Variants in PKDREJ observed in about 807,000 individuals in gnomAD.
PKDREJ encodes the protein PKD and REJ homolog.
For missense variants in PKDREJ, 2,507 were observed against 2,807.2 expected, an observed-to-expected ratio of 0.89 and a Z score of 2.42; for synonymous variants, 1,031 against 1,095.5, an observed-to-expected ratio of 0.94 and a Z score of 1.16.
chr22:46,259,383 T>G lies in PKDREJ; in HGVS notation c.3940A>C (p.Ile1314Leu). The change falls in exon 1 of 1, where the codon ATC (isoleucine) becomes CTC (leucine). Residue 1314 changes from isoleucine (I) to leucine (L), a missense_variant. Physicochemically the swap from Ile to Leu is conservative, Grantham distance 5. Transcript: ENST00000253255. The surrounding 1 kb of genome is among the most constrained non-coding windows in gnomAD (Gnocchi z 6.8). ...GRSPSWYLSR[I>L]KVENLFSRHI... ...CTGCTAAACAGATTTTCCACTTTGA[T>G]TCTACTTAAATACCAGCTAGGCGAT... The G allele has an allele frequency of 2.5e-6, 4 of 1,614,222 alleles. No individual in the cohort carries two copies. Among genetic ancestry groups the G allele is most frequent in the South Asian group, 2.2e-5 (2 of 91,088 alleles).
At position 46,257,479 on chromosome 22, in the gene PKDREJ, A is replaced by G. The variant is rs1936645611; in HGVS notation, c.5844T>C (p.Ser1948=). 1 of 1,614,032 alleles carries G rather than the reference A, an allele frequency of 6.2e-7. No individual in the cohort carries two copies. Among genetic ancestry groups the G allele is most frequent in the African/African-American group, 1.3e-5 (1 of 74,946 alleles). The part of the protein sequence containing the change: ...SQLGVVNTSI[S]LHSFSLADFD... ...AATCAGCAAGTGAAAAAGAGTGCAGAGATATGCTTGTGTTGACAACTCCTA... is the reference window on the plus strand; with the variant it reads ...AATCAGCAAGTGAAAAAGAGTGCAGGGATATGCTTGTGTTGACAACTCCTA... Residue 1948 remains serine, a synonymous_variant, in exon 1 of 1, where the codon TCT becomes TCC. Transcript: ENST00000253255. The surrounding 1 kb of genome is among the most constrained non-coding windows in gnomAD (Gnocchi z 4.7).
chr22:46,261,447 G>A lies in PKDREJ; in HGVS notation c.1876C>T (p.Gln626Ter). 1 of 1,614,148 alleles carries A rather than the reference G, an allele frequency of 6.2e-7. No homozygotes were observed. The highest frequency in any genetic ancestry group is 8.5e-7 in the Non-Finnish European group (1 of 1,179,998). ...AGAAAGGAAGGGGGTACTGTGGACT[G>A]AGGCCCCAAGTACAGGATGGTCCCC... is the stretch of plus-strand genomic sequence containing the variant. Reference protein sequence around the residue: ...TLGTILYLGPQSTVPPSFLPV... With the variant: ...TLGTILYLGP The change falls in exon 1 of 1, where the codon CAG (glutamine) becomes TAG (stop). Residue 626 changes from glutamine (Q) to a stop codon, truncating the protein, a stop_gained. Coordinates refer to ENST00000253255, the MANE Select transcript of PKDREJ (RefSeq NM_006071.2). LOFTEE classifies it low-confidence loss of function (END_TRUNC). This position sits in a 1 kb window ranked among gnomAD's most constrained non-coding sequence, Gnocchi z 7.1.
rs140873581 is a variant in PKDREJ, at chr22:46,259,873, C to T, written c.3450G>A (p.Thr1150=). The change falls in exon 1 of 1, where the codon ACG becomes ACA. Residue 1150 remains threonine (T), a synonymous_variant. Coordinates refer to ENST00000253255, the MANE Select transcript of PKDREJ (RefSeq NM_006071.2). The surrounding 1 kb of genome is among the most constrained non-coding windows in gnomAD (Gnocchi z 6.8). ...ARRQLGTIGL[T]GIHLHTHYVM... ...CATAGTGGGTATGCAGGTGAATGCC[C>T]GTGAGTCCGATTGTGCCCAGCTGCC... 11 of 1,613,400 alleles carry T rather than the reference C, an allele frequency of 6.8e-6. No individual in the cohort carries two copies. The highest frequency in any genetic ancestry group is 3.3e-5 in the Admixed American group (2 of 60,024).
rs1399878028 is a variant in PKDREJ at position 46,263,082 on chromosome 22, G to T, written c.241C>A (p.His81Asn). 1 of 1,320,796 alleles carries T rather than the reference G, an allele frequency of 7.6e-7. No homozygotes were observed. Among genetic ancestry groups the T allele is most frequent in the Non-Finnish European group, 9.8e-7 (1 of 1,024,684 alleles). The allele number at this position is 1,320,796 out of a possible 1,614,324, so 81.8% of individuals were successfully genotyped here. A position where few individuals can be genotyped will look rare whatever the true frequency, so the allele number is the denominator to read the frequency against. ...LSGRGSLCFPHGGTGRRWYCL... is the reference protein window; with the variant it reads ...LSGRGSLCFPNGGTGRRWYCL... Reference sequence around the variant, plus strand: ...TACCAGCGCCGCCCGGTCCCGCCATGGGGGAAGCAGAGGCTGCCGCGGCCG... The same window carrying T: ...TACCAGCGCCGCCCGGTCCCGCCATTGGGGAAGCAGAGGCTGCCGCGGCCG... Residue 81 changes from histidine (H) to asparagine (N), a missense_variant, in exon 1 of 1, where the codon CAT (histidine) becomes AAT (asparagine). Coordinates refer to ENST00000253255, the MANE Select transcript of PKDREJ (RefSeq NM_006071.2). The surrounding 1 kb of genome is among the most constrained non-coding windows in gnomAD (Gnocchi z 9.4).
In PKDREJ at chr22:46,262,915, G is replaced by T; in HGVS notation, c.408C>A (p.Pro136=). ...LTWSVRLPRS[P]GRLAWAFRLR... ...GGCGGAAGGCCCAGGCCAGGCGCCC[G>T]GGCGAGCGCGGCAGCCGCACGGACC... Residue 136 remains proline (P), a synonymous_variant, in exon 1 of 1, where the codon CCC becomes CCA. Transcript: ENST00000253255. The surrounding 1 kb of genome is among the most constrained non-coding windows in gnomAD (Gnocchi z 8.1). The T allele has an allele frequency of 9.3e-7, 1 of 1,069,676 alleles. No individual in the cohort carries two copies. Among genetic ancestry groups the T allele is most frequent in the Non-Finnish European group, 1.1e-6 (1 of 886,012 alleles). 66.3% of individuals were successfully genotyped at this position (1,069,676 alleles called of 1,614,324 possible). A position where few individuals can be genotyped will look rare whatever the true frequency, so the allele number is the denominator to read the frequency against.
In PKDREJ at chr22:46,258,312, G is replaced by C. The variant is rs1416945797; in HGVS notation, c.5011C>G (p.Gln1671Glu). ...DGMRMHPEEM[Q>E]RIHDQIVRIR... The stretch of plus-strand genomic sequence containing the variant: ...CGGACGATCTGGTCATGTATCCTCT[G>C]CATTTCTTCTGGATGCATACGCATT... Residue 1671 changes from glutamine to glutamate, a missense_variant, in exon 1 of 1, where the codon CAG becomes GAG. Transcript: ENST00000253255. The surrounding 1 kb of genome is among the most constrained non-coding windows in gnomAD (Gnocchi z 6.1). 6.2e-7 allele frequency: 1 copy of C among 1,614,124 alleles called. No homozygotes were observed. The highest frequency in any genetic ancestry group is 8.5e-7 in the Non-Finnish European group (1 of 1,180,028).
In PKDREJ at chr22:46,261,026, G is replaced by A; in HGVS notation, c.2297C>T (p.Pro766Leu). The A allele has an allele frequency of 6.2e-7, 1 of 1,614,142 alleles. No homozygotes were observed. Among genetic ancestry groups the A allele is most frequent in the Non-Finnish European group, 8.5e-7 (1 of 1,180,002 alleles). Residue 766 changes from proline to leucine, a missense_variant, in exon 1 of 1, where the codon CCC becomes CTC. By Grantham distance (98) the Pro-to-Leu change is moderately conservative (BLOSUM62 -3). Transcript: ENST00000253255. This position sits in a 1 kb window ranked among gnomAD's most constrained non-coding sequence, Gnocchi z 7.1. ...CTGAGCATCCCAAGTGAATTCAGAGGGTTTCTGGGTTAATTTGGTAATAGT... is the reference window on the plus strand; with the variant it reads ...CTGAGCATCCCAAGTGAATTCAGAGAGTTTCTGGGTTAATTTGGTAATAGT... ...VMTITKLTQKPSEFTWDAQKR... is the reference protein window; with the variant it reads ...VMTITKLTQKLSEFTWDAQKR...
In PKDREJ at chr22:46,259,879, T is replaced by C. The variant is rs1203518710; in HGVS notation, c.3444A>G (p.Gly1148=). The C allele has an allele frequency of 1.2e-6, 2 of 1,613,296 alleles. No individual in the cohort carries two copies. Among genetic ancestry groups the C allele is most frequent in the Admixed American group, 1.7e-5 (1 of 59,986 alleles). The part of the protein sequence containing the change: ...VRARRQLGTI[G]LTGIHLHTHY... ...GGGTATGCAGGTGAATGCCCGTGAG[T>C]CCGATTGTGCCCAGCTGCCGCCTAG... is the stretch of plus-strand genomic sequence containing the variant. Residue 1148 remains glycine (G), a synonymous_variant, in exon 1 of 1, where the codon GGA becomes GGG. Coordinates refer to ENST00000253255, the MANE Select transcript of PKDREJ (RefSeq NM_006071.2). The surrounding 1 kb of genome is among the most constrained non-coding windows in gnomAD (Gnocchi z 6.8).
chr22:46,258,044 A>T lies in PKDREJ; in HGVS notation c.5279T>A (p.Ile1760Asn), dbSNP rs1348168591. ...CAGCACGCTGTTTAGCCATCTATAGATGTCTTCCAGCTTAGTCACAGTAGC... is the reference window on the plus strand; with the variant it reads ...CAGCACGCTGTTTAGCCATCTATAGTTGTCTTCCAGCTTAGTCACAGTAGC... ...DLATVTKLED[I>N]YRWLNSVLLP... is the part of the protein sequence containing the mutation. The change falls in exon 1 of 1, where the codon ATC becomes AAC. Residue 1760 changes from isoleucine (I) to asparagine (N), a missense_variant. Physicochemically the swap from Ile to Asn is moderately radical, Grantham distance 149. Coordinates refer to ENST00000253255, the MANE Select transcript of PKDREJ (RefSeq NM_006071.2). The surrounding 1 kb of genome is among the most constrained non-coding windows in gnomAD (Gnocchi z 6.1). 6.2e-7 allele frequency: 1 copy of T among 1,614,048 alleles called. No individual in the cohort carries two copies. The highest frequency in any genetic ancestry group is 1.1e-5 in the South Asian group (1 of 91,090).
In PKDREJ at chr22:46,256,700, G is replaced by A; in HGVS notation, c.6623C>T (p.Thr2208Ile). 6.2e-7 allele frequency: 1 copy of A among 1,614,160 alleles called. No homozygotes were observed. The highest frequency in any genetic ancestry group is 8.5e-7 in the Non-Finnish European group (1 of 1,180,038). Residue 2208 changes from threonine (T) to isoleucine (I), a missense_variant, in exon 1 of 1, where the codon ACC becomes ATC. Transcript: ENST00000253255. The surrounding 1 kb of genome is among the most constrained non-coding windows in gnomAD (Gnocchi z 5.3). ...RKLRTMFSFLTSQSKAKDEPE... is the reference protein window; with the variant it reads ...RKLRTMFSFLISQSKAKDEPE... ...CTCATCTTTGGCCTTAGATTGCGAGGTCAGAAAGCTGAACATGGTTCTCAG... is the reference window on the plus strand; with the variant it reads ...CTCATCTTTGGCCTTAGATTGCGAGATCAGAAAGCTGAACATGGTTCTCAG...
Position 46,259,864 on chromosome 22 carries a change from G to T in PKDREJ, c.3459C>A (p.His1153Gln). ...TGGCCATCACATAGTGGGTATGCAG[G>T]TGAATGCCCGTGAGTCCGATTGTGC... ...QLGTIGLTGI[H>Q]LHTHYVMAKV... Residue 1153 changes from histidine (H) to glutamine (Q), a missense_variant, in exon 1 of 1, where the codon CAC becomes CAA. His to Gln is a conservative substitution (Grantham distance 24). Coordinates refer to ENST00000253255, the MANE Select transcript of PKDREJ (RefSeq NM_006071.2). The surrounding 1 kb of genome is among the most constrained non-coding windows in gnomAD (Gnocchi z 6.8). 1 of 1,613,394 alleles carries T rather than the reference G, an allele frequency of 6.2e-7. No homozygotes were observed. The highest frequency in any genetic ancestry group is 8.5e-7 in the Non-Finnish European group (1 of 1,180,026).
rs1936697883 is a variant in PKDREJ at position 46,261,679 on chromosome 22, G to A, written c.1644C>T (p.Thr548=). The A allele has an allele frequency of 1.9e-6, 3 of 1,613,992 alleles. No homozygotes were observed. Among genetic ancestry groups the A allele is most frequent in the African/African-American group, 1.3e-5 (1 of 75,004 alleles). ...TAATAAAAGAATGCCTGAAGACCGA[G>A]GTCACTCCACTCCAACATGCTAGAT... ...SLYLACWSGV[T]SVFRHSFIIN... Residue 548 remains threonine, a synonymous_variant, in exon 1 of 1, where the codon ACC becomes ACT. Transcript: ENST00000253255. This position sits in a 1 kb window ranked among gnomAD's most constrained non-coding sequence, Gnocchi z 7.1.
rs771030803 is a variant in PKDREJ at position 46,262,725 on chromosome 22, T to C, written c.598A>G (p.Ser200Gly). Reference protein sequence around the residue: ...RVMLQAVNSSSHRAVESSVSC... With the variant: ...RVMLQAVNSSGHRAVESSVSC... ...ACGGACGACTCGACGGCTCTGTGGC[T>C]GGACGAGTTGACGGCCTGCAACATC... Residue 200 changes from serine to glycine, a missense_variant, in exon 1 of 1, where the codon AGC becomes GGC. Transcript: ENST00000253255. The surrounding 1 kb of genome is among the most constrained non-coding windows in gnomAD (Gnocchi z 8.1). The C allele has an allele frequency of 6.2e-7, 1 of 1,609,834 alleles. No homozygotes were observed. Among genetic ancestry groups the C allele is most frequent in the South Asian group, 1.1e-5 (1 of 90,760 alleles).
rs1233595839 is a variant in PKDREJ at position 46,262,969 on chromosome 22, G to A, written c.354C>T (p.Ser118=). The A allele has an allele frequency of 8.7e-7, 1 of 1,153,732 alleles. No individual in the cohort carries two copies. Among genetic ancestry groups the A allele is most frequent in the East Asian group, 4.6e-5 (1 of 21,594 alleles). 71.5% of individuals were successfully genotyped at this position (1,153,732 alleles called of 1,614,324 possible). The stretch of plus-strand genomic sequence containing the variant: ...TCAGGGAGAGGCGGCCGCCGCGCGC[G>A]GAGAGCTGCAGGTCGACGAGCGCGA... ...PALALVDLQL[S]ARGGRLSLTW... Residue 118 remains serine (S), a synonymous_variant, in exon 1 of 1, where the codon TCC becomes TCT. Transcript: ENST00000253255. This position sits in a 1 kb window ranked among gnomAD's most constrained non-coding sequence, Gnocchi z 8.1.
chr22:46,256,073 G>C lies in PKDREJ; in HGVS notation c.*488C>G. The C allele has an allele frequency of 6.5e-6, 1 of 154,194 alleles. No homozygotes were observed. Among genetic ancestry groups the C allele is most frequent in the Non-Finnish European group, 1.4e-5 (1 of 69,416 alleles). The allele number at this position is 154,194 out of a possible 1,614,324, so 9.6% of individuals were successfully genotyped here. ...AAGCCCAGGGGGAACAAGAGGAGGG[G>C]AGCCCTGGTCTACAAAGGGGCCTCC... On this transcript the variant is annotated 3_prime_UTR_variant, in exon 1 of 1. Transcript: ENST00000253255. The surrounding 1 kb of genome is among the most constrained non-coding windows in gnomAD (Gnocchi z 5.3).
chr22:46,262,832 G>A lies in PKDREJ; in HGVS notation c.491C>T (p.Pro164Leu), dbSNP rs1936714325. ...CCGCGGGCCTGGCGCGGCGGAGCGC[G>A]GGGAGACGCGGGCCGCGGGGGAGGC... ...RPASPAARVS[P>L]RSAAPGPRPQ... Residue 164 changes from proline to leucine, a missense_variant, in exon 1 of 1, where the codon CCG (proline) becomes CTG (leucine). Transcript: ENST00000253255. The surrounding 1 kb of genome is among the most constrained non-coding windows in gnomAD (Gnocchi z 8.1). 2 of 1,232,842 alleles carry A rather than the reference G, an allele frequency of 1.6e-6. No homozygotes were observed. Among genetic ancestry groups the A allele is most frequent in the Non-Finnish European group, 1.0e-6 (1 of 981,038 alleles). 76.4% of individuals were successfully genotyped at this position (1,232,842 alleles called of 1,614,324 possible).
rs148804315 is a variant in PKDREJ, at chr22:46,261,550, G to T, written c.1773C>A (p.His591Gln). 187 of 1,614,026 alleles carry T rather than the reference G, an allele frequency of 1.2e-4. 1 individual carries two copies. The East Asian group carries it at 3.6e-3, about 31-fold the overall frequency. Residue 591 changes from histidine to glutamine, a missense_variant, in exon 1 of 1, where the codon CAC (histidine) becomes CAA (glutamine). Physicochemically the swap from His to Gln is conservative, Grantham distance 24. Coordinates refer to ENST00000253255, the MANE Select transcript of PKDREJ (RefSeq NM_006071.2). The surrounding 1 kb of genome is among the most constrained non-coding windows in gnomAD (Gnocchi z 7.1). Reference protein sequence around the residue: ...VVQCSNFRDKHVPLTYKIIVS... With the variant: ...VVQCSNFRDKQVPLTYKIIVS... ...CAATTATTTTATATGTAAGAGGGAC[G>T]TGCTTATCCCTAAAATTACTACACT...
chr22:46,261,633 C>T lies in PKDREJ; in HGVS notation c.1690G>A (p.Gly564Arg), dbSNP rs200129325. ...TTAGCTGGATTAATTTTGCATTCTC[C>T]GATCTGAGGGCCATGGTTAATAATA... is the stretch of plus-strand genomic sequence containing the variant. ...SFIINHGPQI[G>R]ECKINPAKGI... Residue 564 changes from glycine (G) to arginine (R), a missense_variant, in exon 1 of 1, where the codon GGA becomes AGA. Physicochemically the swap from Gly to Arg is moderately radical, Grantham distance 125 (BLOSUM62 -2). Transcript: ENST00000253255. The surrounding 1 kb of genome is among the most constrained non-coding windows in gnomAD (Gnocchi z 7.1). 24 of 1,613,760 alleles carry T rather than the reference C, an allele frequency of 1.5e-5. No individual in the cohort carries two copies. Among genetic ancestry groups the T allele is most frequent in the African/African-American group, 5.3e-5 (4 of 74,878 alleles).
In PKDREJ at chr22:46,259,755, C is replaced by T. The variant is rs142873404; in HGVS notation, c.3568G>A (p.Val1190Met). Residue 1190 changes from valine (V) to methionine (M), a missense_variant, in exon 1 of 1, where the codon GTG (valine) becomes ATG (methionine). Physicochemically the swap from Val to Met is conservative, Grantham distance 21. Coordinates refer to ENST00000253255, the MANE Select transcript of PKDREJ (RefSeq NM_006071.2). The surrounding 1 kb of genome is among the most constrained non-coding windows in gnomAD (Gnocchi z 6.8). ...ACGTATAAGAGAATAATGAAAAGCA[C>T]AGTGAAGAGGGTCACGGGGTTTTGG... ...LHQNPVTLFT[V>M]LFIILLYVGL... is the part of the protein sequence containing the mutation. The T allele has an allele frequency of 2.1e-4, 332 of 1,614,046 alleles. No homozygotes were observed. The highest frequency in any genetic ancestry group is 2.7e-4 in the Non-Finnish European group (316 of 1,180,048).
Sources: gnomAD v4.1 joint callset for allele counts on GRCh38, gnomAD v4.1.1 for gene constraint, Gnocchi (gnomAD v3.1) non-coding constraint, MANE v1.5 for transcripts, NCBI Gene and HGNC (gene_info 2026-07-23, HGNC 2026-07-21) for gene names.